PSPC1: variants seen among roughly 807,000 people sequenced by gnomAD.
The protein encoded by PSPC1 is paraspeckle protein 1.
PSPC1 carries 14 observed loss-of-function variants against 51.6 expected under a neutral mutation model. The ratio of observed to expected loss-of-function variants is 0.27; its 90% CI spans 0.18 to 0.42. PSPC1 has a LOEUF of 0.42. Among genes scored for constraint, PSPC1 ranks in the 10% least tolerant of loss-of-function variants. The pLI is 1.00. For synonymous variants in PSPC1, 193 were observed against 231.9 expected, an observed-to-expected ratio of 0.83 and a Z score of 1.53; for missense variants, 406 against 701.1, an observed-to-expected ratio of 0.58 and a Z score of 4.75.
chr13:19,773,981 T>C (rs80341524), intron 1 of PSPC1, among the ~76,000 whole-genome samples: 1 of 152,140 alleles, frequency 6.6e-6, no homozygotes, highest in Non-Finnish European at 1.5e-5. Context: ...TGACTTCTCC[T>C]GAAATACTGG....
chr13:19,716,018 A>C (rs1593603799), intron 6 of PSPC1, among the ~76,000 whole-genome samples: 1 of 150,486 alleles, frequency 6.6e-6, no homozygotes, highest in Non-Finnish European at 1.5e-5. Context: ...CGTCTCAAAA[A>C]AATAAAAAAT....
intron 4 of PSPC1, 126 bp downstream of exon 4, chr13:19,751,144 TA>T: frequency 1.6e-6 from 1 of 638,542 alleles, no homozygotes; most frequent in Non-Finnish European, 2.4e-6. Context: ...TTTTCACACC[TA>T]ATATGTTGAG....
chr13:19,713,613 T>A (rs1302606432), intron 6 of PSPC1, among the ~76,000 whole-genome samples: 1 of 151,676 alleles, frequency 6.6e-6, no homozygotes, highest in Non-Finnish European at 1.5e-5. Context: ...TTAACTTATC[T>A]TTGCGGTATT....
intron 2 of PSPC1, among the ~76,000 whole-genome samples, chr13:19,765,676 A>C (rs960050463): frequency 6.6e-6 from 1 of 150,744 alleles, no homozygotes; most frequent in Non-Finnish European, 1.5e-5. Context: ...GACCTCTAAG[A>C]AATAAGGAAG....
chr13:19,701,578 CA>C (rs1472596754), downstream of PSPC1, among the ~76,000 whole-genome samples: 2 of 151,994 alleles, frequency 1.3e-5, no homozygotes, highest in African/African-American at 4.8e-5. Flanking sequence ...CACTGTGTAT[CA>C]AAAAAATAGC....
At chr13:19,740,275 G>A (rs868826641) in intron 5 of PSPC1, among the ~76,000 whole-genome samples, 10 of 151,766 alleles carry the variant, frequency 6.6e-5, no homozygotes, top group Middle Eastern at 3.4e-3. Flanking sequence ...CCCGGGAGGC[G>A]GAGGTTGCTG....
intron 1 of PSPC1, among the ~76,000 whole-genome samples, chr13:19,774,819 CA>C (rs1301247582): frequency 1.5e-4 from 20 of 135,724 alleles, no homozygotes; most frequent in African/African-American, 4.6e-4. Flanking sequence ...AAAAAAAAAA[CA>C]AAAAAAAAAA....
At chr13:19,773,249 A>ATTT (rs572248368) in intron 1 of PSPC1, among the ~76,000 whole-genome samples, 2 of 133,938 alleles carry the variant, frequency 1.5e-5, no homozygotes, top group Non-Finnish European at 1.6e-5. Flanking sequence ...TTTTTATCTC[A>ATTT]TTTTTTTTTT....
At chr13:19,702,476 CAA>C (rs1232447516), downstream of PSPC1, 1 of 151,804 alleles carries the variant, frequency 6.6e-6, no homozygotes, top group African/African-American at 2.4e-5. Flanking sequence ...TTTTTATAAG[CAA>C]AAGAGATTTG....
At position 19,782,548 on chromosome 13, in the gene PSPC1, G is replaced by C. The variant is rs1467112713; in HGVS notation, c.210C>G (p.Phe70Leu). 4 of 1,612,922 alleles carry C rather than the reference G, an allele frequency of 2.5e-6. No individual in the cohort carries two copies. Among genetic ancestry groups the C allele is most frequent in the African/African-American group, 1.3e-5 (1 of 74,762 alleles). Residue 70 changes from phenylalanine (F) to leucine (L), a missense_variant, in exon 1 of 9, where the codon TTC (phenylalanine) becomes TTG (leucine). Transcript: ENST00000338910. This position sits in a 1 kb window ranked among gnomAD's most constrained non-coding sequence, Gnocchi z 4.5. ...TGTACGTCTTCTCGCCCGGCTTGAG[G>C]AAACTCTTGATGTCGATAGTGAACC... ...EMGFTIDIKS[F>L]LKPGEKTYTQ...
intron 6 of PSPC1, among the ~76,000 whole-genome samples, chr13:19,681,042 A>C (rs1022997404): frequency 6.6e-6 from 1 of 152,050 alleles, no homozygotes; most frequent in East Asian, 1.9e-4. Context: ...ACATAGCAAG[A>C]TGACTCTACA....
intron 6 of PSPC1, among the ~76,000 whole-genome samples, chr13:19,690,110 G>T (rs1378185146): frequency 6.6e-6 from 1 of 152,180 alleles, no homozygotes; most frequent in African/African-American, 2.4e-5. Flanking sequence ...TTGTAAAAGA[G>T]TTTTTCAATC....
rs371232484 is a variant in PSPC1 at position 19,703,583 on chromosome 13, T to C, written c.1387-223A>G. Among the ~76,000 whole-genome samples, 210 of 152,296 alleles carry C rather than the reference T, an allele frequency of 1.4e-3. 3 individuals are homozygous for C. Among genetic ancestry groups the C allele is most frequent in the African/African-American group, 4.7e-3 (195 of 41,554 alleles). ...CATCTGAAGATTTACATATTGCTAA[T>C]GCTATGCCCCAATTTAAAGAACAAA... is the stretch of plus-strand genomic sequence containing the variant. On this transcript the variant is annotated intron_variant, in intron 8 of 8. Transcript: ENST00000338910.
At chr13:19,693,395 T>C (rs567432050) in intron 6 of PSPC1, among the ~76,000 whole-genome samples, 4 of 152,344 alleles carry the variant, frequency 2.6e-5, no homozygotes, top group Middle Eastern at 6.8e-3. Flanking sequence ...AAAAGGACCA[T>C]ATTTTGTTCA....
intron 5 of PSPC1, among the ~76,000 whole-genome samples, chr13:19,730,915 C>A (rs527245117): frequency 4.7e-4 from 68 of 145,418 alleles, no homozygotes; most frequent in Non-Finnish European, 7.6e-4. Context: ...CCCCTGCACT[C>A]CAGACTGGGC....
chr13:19,770,189 T>C (rs1213713612), intron 2 of PSPC1, among the ~76,000 whole-genome samples: 1 of 152,192 alleles, frequency 6.6e-6, no homozygotes, highest in African/African-American at 2.4e-5. Flanking sequence ...ACATACTATA[T>C]GATTTCACTT....
Position 19,704,302 on chromosome 13 carries a change from C to G in PSPC1, c.1387-942G>C, listed in dbSNP as rs1301525123. On this transcript the variant is annotated intron_variant, in intron 8 of 8. Coordinates refer to ENST00000338910, the MANE Select transcript of PSPC1 (RefSeq NM_001354909.2). ...TTAAGCGCCATCTGTTCATAGTAGC[C>G]GTGCACTGCCTCATCTCCCTGTATA... Among the ~76,000 whole-genome samples the G allele has an allele frequency of 3.3e-5, 5 of 152,080 alleles. No homozygotes were observed. In the East Asian group the frequency reaches 9.6e-4, roughly 29 times the overall value.
chr13:19,766,876 A>T (rs1208429176), intron 2 of PSPC1, among the ~76,000 whole-genome samples: 1 of 151,984 alleles, frequency 6.6e-6, no homozygotes, highest in African/African-American at 2.4e-5. Context: ...AAGAAAAAAA[A>T]AAAGGACAAG....
At chr13:19,724,581 A>G (rs1883135789) in intron 6 of PSPC1, among the ~76,000 whole-genome samples, 1 of 150,464 alleles carries the variant, frequency 6.6e-6, no homozygotes, top group South Asian at 2.1e-4. Context: ...TTGGCCGGGT[A>G]CGGTGGCTCA....
Sources: allele counts gnomAD v4.1 joint callset (sites outside exome capture counted in the v4.1 genomes callset), GRCh38; gene constraint gnomAD v4.1.1; non-coding constraint Gnocchi (gnomAD v3.1); transcripts MANE v1.5; gene names NCBI Gene and HGNC (gene_info 2026-07-23, HGNC 2026-07-21).